ADAT1: variants seen among roughly 807,000 people sequenced by gnomAD.
ADAT1 encodes the protein adenosine deaminase tRNA specific 1.
Under a neutral mutation model 58.6 loss-of-function variants are expected in ADAT1, and 58 were observed. The observed-to-expected ratio is 0.99, with a 90% CI of 0.80 to 1.23. The LOEUF (loss-of-function observed/expected upper bound fraction) is 1.23, where lower values mean the gene tolerates loss of function less well. Ranked by LOEUF, ADAT1 falls within the 50% of genes most tolerant of loss-of-function variation. The probability of loss-of-function intolerance (pLI) is 0.00; values close to 1 mark genes in which losing one functional copy is unlikely to be tolerated. For missense variants in ADAT1, 741 were observed against 608.6 expected (o/e 1.22, Z -2.29); for synonymous variants, 254 against 220.8 (o/e 1.15, Z -1.33).
rs1194358948 is a variant in ADAT1, at chr16:75,608,793, TCA to T, written c.1189+48_1189+49del. The T allele has an allele frequency of 1.9e-6, 3 of 1,580,162 alleles. No homozygotes were observed. In the African/African-American group the frequency reaches 4.1e-5, roughly 22 times the overall value. ...GGATGCCGACCCTCTGGGGCCACTCTCAGTCAGGGGAGCAGTTACTCCAGGGC... is the reference window on the plus strand; with the variant it reads ...GGATGCCGACCCTCTGGGGCCACTCTGTCAGGGGAGCAGTTACTCCAGGGC... On this transcript the variant is annotated intron_variant, in intron 7 of 9. Coordinates refer to ENST00000564657, the MANE Select transcript of ADAT1 (RefSeq NM_001324445.2).
chr16:75,608,571 A>G, intron 7 of ADAT1: 1 of 580,726 alleles, frequency 1.7e-6, no homozygotes. Flanking sequence ...TAAATGCATT[A>G]AACAGAATTT....
intron 9 of ADAT1, among the ~76,000 whole-genome samples, chr16:75,601,447 AAAAC>A (rs994301349): frequency 6.6e-5 from 10 of 151,998 alleles, no homozygotes; most frequent in East Asian, 1.9e-4. Flanking sequence ...CCCTGTCTCA[AAAAC>A]AAACAAACAA....
intron 5 of ADAT1, among the ~76,000 whole-genome samples, chr16:75,613,426 C>T (rs537496608): frequency 9.2e-5 from 14 of 152,188 alleles, no homozygotes; most frequent in East Asian, 7.7e-4. Context: ...TTCAGCCTCC[C>T]GAGTAGCTGG....
intron 3 of ADAT1, chr16:75,619,491 A>C: frequency 2.5e-6 from 1 of 404,848 alleles, no homozygotes; most frequent in East Asian, 7.1e-5. Context: ...GAGCTATGAT[A>C]GTACCACCGT....
At chr16:75,600,766 T>C (rs1487719675) in intron 9 of ADAT1, among the ~76,000 whole-genome samples, 1 of 152,184 alleles carries the variant, frequency 6.6e-6, no homozygotes, top group Non-Finnish European at 1.5e-5. Context: ...TTTTGAAAAA[T>C]AAAACCTCTA....
Position 75,599,793 on chromosome 16 carries a change from G to C in ADAT1, c.*423C>G. ...AAGAATGGCTCCCTGAAGAAAGAAA[G>C]GCTGGGAATACAAAATATATATTCG... is the stretch of plus-strand genomic sequence containing the variant. On this transcript the variant is annotated 3_prime_UTR_variant, in exon 10 of 10. Coordinates refer to ENST00000564657, the MANE Select transcript of ADAT1 (RefSeq NM_001324445.2). 1 of 993,042 alleles carries C rather than the reference G, an allele frequency of 1.0e-6. No individual in the cohort carries two copies. Among genetic ancestry groups the C allele is most frequent in the Non-Finnish European group, 1.2e-6 (1 of 834,588 alleles). The allele number at this position is 993,042 out of a possible 1,614,324, so 61.5% of individuals were successfully genotyped here.
At chr16:75,600,400 C>T (rs765878755) in intron 9 of ADAT1, 52 bp from the exon 10 acceptor site, 3 of 1,598,754 alleles carry the variant, frequency 1.9e-6, no homozygotes, top group Non-Finnish European at 1.7e-6. Flanking sequence ...TAGCCCACCC[C>T]AGGGGCCACC....
rs77029992 is a variant in ADAT1, at chr16:75,608,903, G to A, written c.1129C>T (p.Arg377Cys). ...GCCCTTTTTGCCTGCACCGCACTGC[G>A]GCTCTGTTCAAATAGTAAATCTGAC... The part of the protein sequence containing the change: ...LQSDLLFEQS[R>C]SAVQAKRADS... Residue 377 changes from arginine to cysteine, a missense_variant, in exon 7 of 10, where the codon CGC becomes TGC. Arg to Cys is a radical substitution (Grantham distance 180). Coordinates refer to ENST00000564657, the MANE Select transcript of ADAT1 (RefSeq NM_001324445.2). 34,771 of 1,614,114 alleles carry A rather than the reference G, an allele frequency of 0.022. 487 individuals are homozygous for A. Among genetic ancestry groups the A allele is most frequent in the Non-Finnish European group, 0.025 (29,729 of 1,179,992 alleles).
Position 75,596,965 on chromosome 16 carries a change from C to G in ADAT1, c.*3251G>C, listed in dbSNP as rs968216244. The stretch of plus-strand genomic sequence containing the variant: ...CATGTTAAGTGAAAGAAGCCAGTCA[C>G]AAAAGACCACATATTCTATGATTCC... On this transcript the variant is annotated 3_prime_UTR_variant, in exon 10 of 10. Coordinates refer to ENST00000564657, the MANE Select transcript of ADAT1 (RefSeq NM_001324445.2). 2 of 152,238 alleles carry G rather than the reference C, an allele frequency of 1.3e-5. No individual in the cohort carries two copies. Among genetic ancestry groups the G allele is most frequent in the African/African-American group, 4.8e-5 (2 of 41,414 alleles). The allele number at this position is 152,238 out of a possible 1,614,324, so 9.4% of individuals were successfully genotyped here. A position where few individuals can be genotyped will look rare whatever the true frequency, so the allele number is the denominator to read the frequency against.
At chr16:75,619,780 G>T (rs1255390121) in intron 3 of ADAT1, 1 of 364,672 alleles carries the variant, frequency 2.7e-6, no homozygotes, top group African/African-American at 2.1e-5. Flanking sequence ...CGTGATGGTG[G>T]GTGCCTGCTG....
chr16:75,620,439 C>T, intron 2 of ADAT1, 105 bp from the exon 3 acceptor site: 2 of 1,456,642 alleles, frequency 1.4e-6, no homozygotes, highest in Non-Finnish European at 1.9e-6. Flanking sequence ...CAGAGGCCCA[C>T]TCAACCAAGG....
chr16:75,599,568 G>A lies in ADAT1; in HGVS notation c.*648C>T. The A allele has an allele frequency of 5.1e-6, 5 of 985,888 alleles. No individual in the cohort carries two copies. Among genetic ancestry groups the A allele is most frequent in the Non-Finnish European group, 6.0e-6 (5 of 829,998 alleles). 61.1% of individuals were successfully genotyped at this position (985,888 alleles called of 1,614,324 possible). On this transcript the variant is annotated 3_prime_UTR_variant, in exon 10 of 10. Coordinates refer to ENST00000564657, the MANE Select transcript of ADAT1 (RefSeq NM_001324445.2). ...ATTCTTTGCTGGCTTTCTCTAGGTA[G>A]TAGGAAAAGATGGCCACCGGCAGTC... is the stretch of plus-strand genomic sequence containing the variant.
At chr16:75,603,929 G>T (rs1401505778) in intron 8 of ADAT1, among the ~76,000 whole-genome samples, 2 of 149,654 alleles carry the variant, frequency 1.3e-5, no homozygotes, top group East Asian at 4.8e-4. Flanking sequence ...GGGAATTATG[G>T]AGTCTGTCCA....
intron 1 of ADAT1, among the ~76,000 whole-genome samples, chr16:75,621,120 G>C (rs2081920049): frequency 6.6e-6 from 1 of 151,942 alleles, no homozygotes; most frequent in African/African-American, 2.4e-5. Context: ...AAGGACACGA[G>C]AAGGAAATGT....
chr16:75,605,433 CTTTAT>C (rs976343176), intron 8 of ADAT1, among the ~76,000 whole-genome samples: 14 of 152,120 alleles, frequency 9.2e-5, no homozygotes, highest in Non-Finnish European at 1.2e-4. Flanking sequence ...TTTTAGTTTG[CTTTAT>C]TTTAAGAATA....
Position 75,598,220 on chromosome 16 carries a change from G to A in ADAT1, c.*1996C>T. On this transcript the variant is annotated 3_prime_UTR_variant, in exon 10 of 10. Transcript: ENST00000564657. ...GCCTCCTGAGTAGTTGGGACTATAG[G>A]CGTGCGCCAATACACCTGGCTAATT... 2 of 352,246 alleles carry A rather than the reference G, an allele frequency of 5.7e-6. No individual in the cohort carries two copies. The highest frequency in any genetic ancestry group is 4.1e-5 in the South Asian group (2 of 49,330). 21.8% of individuals were successfully genotyped at this position (352,246 alleles called of 1,614,324 possible). A position where few individuals can be genotyped will look rare whatever the true frequency, so the allele number is the denominator to read the frequency against.
intron 8 of ADAT1, among the ~76,000 whole-genome samples, chr16:75,605,277 G>C (rs1235645054): frequency 6.6e-6 from 1 of 152,022 alleles, no homozygotes; most frequent in Admixed American, 6.5e-5. Flanking sequence ...TTTTAGTAGA[G>C]ACGGTTTCGC....
In ADAT1 at chr16:75,608,830, C is replaced by G. The variant is rs1162653754; in HGVS notation, c.1189+13G>C. On this transcript the variant is annotated intron_variant, in intron 7 of 9. Coordinates refer to ENST00000564657, the MANE Select transcript of ADAT1 (RefSeq NM_001324445.2). ...GCAGTTACTCCAGGGCAGGTCTAAC[C>G]TGGATCTCTTACCTGCCCCACAAGG... is the stretch of plus-strand genomic sequence containing the variant. 6.2e-7 allele frequency: 1 copy of G among 1,611,758 alleles called. No individual in the cohort carries two copies. Among genetic ancestry groups the G allele is most frequent in the Non-Finnish European group, 8.5e-7 (1 of 1,179,350 alleles).
chr16:75,614,795 G>C (rs1001670657), intron 5 of ADAT1, among the ~76,000 whole-genome samples: 3 of 152,186 alleles, frequency 2.0e-5, no homozygotes, highest in Non-Finnish European at 4.4e-5. Flanking sequence ...CATTCTCTAG[G>C]TAATGTTCTC....
Sources: allele counts gnomAD v4.1 joint callset (sites outside exome capture counted in the v4.1 genomes callset), GRCh38; gene constraint gnomAD v4.1.1; transcripts MANE v1.5; gene names NCBI Gene and HGNC (gene_info 2026-07-23, HGNC 2026-07-21).